The following TFEC variants were observed in gnomAD, a reference collection of about 807,000 sequenced individuals.
TFEC encodes class E basic helix-loop-helix protein 34.
Under a neutral mutation model 41.6 loss-of-function variants are expected in TFEC, and 31 were observed. The observed-to-expected ratio is 0.74, with a 90% CI of 0.56 to 1.01. The LOEUF is 1.01. TFEC is among the 50% of genes least tolerant of loss of function. TFEC has a pLI of 0.00. For missense variants in TFEC, 402 were observed against 404.1 expected (o/e 0.99, Z 0.04); for synonymous variants, 143 against 140.6 (o/e 1.02, Z -0.12).
chr7:116,017,221 GT>G (rs972512066), intron 1 of TFEC, among the ~76,000 whole-genome samples: 6 of 151,986 alleles, frequency 3.9e-5, no homozygotes, highest in Admixed American at 1.3e-4. Flanking sequence ...TGCTTTCCAT[GT>G]TTTTTTGTTT....
intron 2 of TFEC, among the ~76,000 whole-genome samples, chr7:115,983,616 G>C (rs1183088536): frequency 6.6e-6 from 1 of 152,038 alleles, no homozygotes; most frequent in East Asian, 1.9e-4. Context: ...GTGTTTCCCA[G>C]TTCTATTCAT....
intron 1 of TFEC, among the ~76,000 whole-genome samples, chr7:116,127,185 T>C (rs1798229758): frequency 6.6e-6 from 1 of 151,874 alleles, no homozygotes; most frequent in Non-Finnish European, 1.5e-5. Flanking sequence ...AAGCTCTGCC[T>C]CCTGGGTTCA....
At chr7:115,959,099 T>C (rs1404890512) in intron 3 of TFEC, among the ~76,000 whole-genome samples, 1 of 151,846 alleles carries the variant, frequency 6.6e-6, no homozygotes, top group East Asian at 1.9e-4. Flanking sequence ...ACCTATTTTA[T>C]GAAGAAATAT....
rs564338980 is a variant in TFEC at position 116,055,657 on chromosome 7, AATG to A, written c.198+55048_198+55050del. The stretch of plus-strand genomic sequence containing the variant: ...TTAAAGATATCTCACATTTTCATAA[AATG>A]ATATTTCAAAGTAATTTTATATATA... On this transcript the variant is annotated intron_variant, in intron 3 of 8. Coordinates refer to the TFEC transcript ENST00000484212. Among the ~76,000 whole-genome samples the A allele has an allele frequency of 3.9e-5, 6 of 152,112 alleles. No homozygotes were observed. In the South Asian group the frequency reaches 1.2e-3, roughly 32 times the overall value.
At chr7:116,146,169 A>G (rs1216128539) in intron 1 of TFEC, among the ~76,000 whole-genome samples, 1 of 152,020 alleles carries the variant, frequency 6.6e-6, no homozygotes, top group Non-Finnish European at 1.5e-5. Flanking sequence ...ACCAGCAGAA[A>G]CATGAGCAAC....
intron 3 of TFEC, among the ~76,000 whole-genome samples, chr7:116,064,099 T>C (rs1481647496): frequency 6.6e-6 from 1 of 152,052 alleles, no homozygotes; most frequent in Non-Finnish European, 1.5e-5. Flanking sequence ...GTTAGAGAGA[T>C]GCTGGCCAAA....
intron 1 of TFEC, among the ~76,000 whole-genome samples, chr7:116,006,866 T>G (rs1472311637): frequency 6.6e-6 from 1 of 152,140 alleles, no homozygotes; most frequent in Non-Finnish European, 1.5e-5. Flanking sequence ...GTTCTCATGA[T>G]AGTGAGTAAG....
Position 115,950,909 on chromosome 7 carries a change from C to G in TFEC, c.480G>C (p.Lys160Asn). Residue 160 changes from lysine to asparagine, a missense_variant, in exon 6 of 8, where the codon AAG becomes AAC. Transcript: ENST00000265440. ...RRRYNINYRI[K>N]ELGTLIPKSN... ...ACTTTGGAATAAGAGTGCCAAGCTC[C>G]TTGATTCGGTAATTAATATTATACC... is the stretch of plus-strand genomic sequence containing the variant. 3 of 1,604,090 alleles carry G rather than the reference C, an allele frequency of 1.9e-6. No homozygotes were observed. The highest frequency in any genetic ancestry group is 2.6e-6 in the Non-Finnish European group (3 of 1,174,192).
intron 3 of TFEC, among the ~76,000 whole-genome samples, chr7:116,098,866 AAAAGGAAGGAAG>A (rs1215306570): frequency 1.7e-5 from 2 of 114,952 alleles, no homozygotes; most frequent in Non-Finnish European, 3.6e-5. Context: ...AGAGAGGAAG[AAAAGGAAGGAAG>A]GAAGGAAGGA....
intron 1 of TFEC, among the ~76,000 whole-genome samples, chr7:116,018,733 G>A (rs1225130722): frequency 1.3e-5 from 2 of 152,172 alleles, no homozygotes; most frequent in Admixed American, 1.3e-4. Flanking sequence ...GAAGTATGAG[G>A]TTGAATGAGA....
upstream of TFEC, among the ~76,000 whole-genome samples, chr7:116,031,047 C>T (rs1795768083): frequency 6.6e-6 from 1 of 152,220 alleles, no homozygotes; most frequent in Non-Finnish European, 1.5e-5. Flanking sequence ...ACAAGCAGTA[C>T]ATGGTTGTTA....
chr7:116,145,363 TAGCTAA>T, intron 1 of TFEC, among the ~76,000 whole-genome samples: 1 of 152,140 alleles, frequency 6.6e-6, no homozygotes, highest in East Asian at 1.9e-4. Context: ...CCATGTGAAG[TAGCTAA>T]AACAGTCATC....
chr7:116,062,993 C>A (rs1796605768), intron 3 of TFEC, among the ~76,000 whole-genome samples: 1 of 151,964 alleles, frequency 6.6e-6, no homozygotes, highest in Non-Finnish European at 1.5e-5. Flanking sequence ...TATTTAGACA[C>A]AAATATTTAT....
At chr7:115,976,864 T>C (rs1000533287) in intron 2 of TFEC, among the ~76,000 whole-genome samples, 4 of 152,194 alleles carry the variant, frequency 2.6e-5, no homozygotes, top group African/African-American at 9.6e-5. Flanking sequence ...GCTTACGTCA[T>C]AAATGACACG....
At chr7:115,985,866 T>A (rs897078101) in intron 1 of TFEC, among the ~76,000 whole-genome samples, 4 of 152,146 alleles carry the variant, frequency 2.6e-5, no homozygotes, top group Non-Finnish European at 4.4e-5. Flanking sequence ...TCTAAATTAA[T>A]TCTTTTTAAT....
intron 3 of TFEC, among the ~76,000 whole-genome samples, chr7:115,967,751 T>TA (rs759246239): frequency 3.3e-4 from 50 of 151,882 alleles, no homozygotes; most frequent in Admixed American, 4.6e-4. Flanking sequence ...TATCTGGAAA[T>TA]ACAATATGTG....
intron 2 of TFEC, among the ~76,000 whole-genome samples, chr7:115,977,510 T>C (rs1163454582): frequency 6.6e-6 from 1 of 152,030 alleles, no homozygotes; most frequent in Non-Finnish European, 1.5e-5. Context: ...ACAAAGTATC[T>C]TTTAAGTATG....
At chr7:115,968,260 C>T in intron 3 of TFEC, 1 of 1,529,178 alleles carries the variant, frequency 6.5e-7, no homozygotes, top group Admixed American at 2.0e-5. Flanking sequence ...TTTTCTTTTC[C>T]TTAAACTTGC....
chr7:116,074,243 C>A (rs1198035865), intron 3 of TFEC, among the ~76,000 whole-genome samples: 1 of 151,642 alleles, frequency 6.6e-6, no homozygotes, highest in Non-Finnish European at 1.5e-5. Flanking sequence ...CACACAGACA[C>A]ACACACACAT....
Sources: allele counts gnomAD v4.1 joint callset (sites outside exome capture counted in the v4.1 genomes callset), GRCh38; gene constraint gnomAD v4.1.1; transcripts MANE v1.5; gene names NCBI Gene and HGNC (gene_info 2026-07-23, HGNC 2026-07-21).